NLRC5: variants seen among roughly 807,000 people sequenced by gnomAD.
The protein encoded by NLRC5 is NLR family CARD domain containing 5.
NLRC5 carries 114 observed loss-of-function variants against 206.9 expected under a neutral mutation model. The observed-to-expected ratio is 0.55, with a 90% confidence interval of 0.47 to 0.64. The LOEUF is 0.64. NLRC5 is among the 30% of genes least tolerant of loss of function. The pLI is 0.00. For synonymous variants in NLRC5, 952 were observed against 962.8 expected, an observed-to-expected ratio of 0.99 and a Z score of 0.21; for missense variants, 2,008 against 2,305.5, an observed-to-expected ratio of 0.87 and a Z score of 2.64.
chr16:57,041,411 G>C (rs1440493966), intron 17 of NLRC5, 74 bp from the exon 18 acceptor site: 46 of 1,233,432 alleles, frequency 3.7e-5, no homozygotes, highest in Non-Finnish European at 5.1e-5. Context: ...CTCTGTGTCT[G>C]GGGGGTGGGA....
chr16:57,056,613 T>C (rs138618394), intron 27 of NLRC5, among the ~76,000 whole-genome samples: 4 of 152,148 alleles, frequency 2.6e-5, no homozygotes, highest in African/African-American at 9.6e-5. Context: ...ATAAGAAATA[T>C]GTCTTTGAGT....
chr16:57,062,265 A>G, intron 32 of NLRC5: 1 of 417,472 alleles, frequency 2.4e-6, no homozygotes, highest in South Asian at 1.8e-5. Flanking sequence ...TCACAGTTCC[A>G]TCAGGACACC....
At chr16:57,037,513 C>T (rs568281244) in intron 15 of NLRC5, among the ~76,000 whole-genome samples, 7 of 152,242 alleles carry the variant, frequency 4.6e-5, no homozygotes, top group African/African-American at 1.7e-4. Context: ...CCAGAGACGC[C>T]TGGCAGGGTA....
intron 20 of NLRC5, chr16:57,043,827 C>T: frequency 3.4e-6 from 2 of 588,840 alleles, no homozygotes; most frequent in Non-Finnish European, 6.1e-6. Flanking sequence ...TCTCCAAATT[C>T]ACCATTAGAG....
intron 23 of NLRC5, among the ~76,000 whole-genome samples, chr16:57,049,596 C>G (rs1358634892): frequency 6.6e-6 from 1 of 152,044 alleles, no homozygotes; most frequent in Non-Finnish European, 1.5e-5. Context: ...ATTAGCCAGG[C>G]ATGGTGGTGC....
intron 15 of NLRC5, among the ~76,000 whole-genome samples, chr16:57,037,784 G>T (rs982912445): frequency 6.6e-6 from 1 of 152,152 alleles, no homozygotes; most frequent in Admixed American, 6.5e-5. Flanking sequence ...TCCTATTTCT[G>T]TAAGTCTCGC....
In NLRC5 at chr16:57,065,232, A is replaced by G. The variant is rs1312334726; in HGVS notation, c.4175A>G (p.Asp1392Gly). The G allele has an allele frequency of 6.4e-7, 1 of 1,564,766 alleles. No individual in the cohort carries two copies. The highest frequency in any genetic ancestry group is 8.7e-7 in the Non-Finnish European group (1 of 1,150,910). Residue 1392 changes from aspartate to glycine, a missense_variant, in exon 33 of 49, where the codon GAC becomes GGC. Coordinates refer to ENST00000688547, the MANE Select transcript of NLRC5 (RefSeq NM_001384950.1). ...FSLRVQEPWA[D>G]RARVLSLLEV... ...GACAGGGTGCAGGAGCCGTGGGCGGACAGAGCCAGGGTTCTCTCCCTGTTA... is the reference window on the plus strand; with the variant it reads ...GACAGGGTGCAGGAGCCGTGGGCGGGCAGAGCCAGGGTTCTCTCCCTGTTA...
In NLRC5 at chr16:57,065,267, G is replaced by T. The variant is rs762152034; in HGVS notation, c.4210G>T (p.Ala1404Ser). ...GGTTCTCTCCCTGTTAGAAGTCTGC[G>T]CCCAGGCCTCAGGCAGTGTCACTGA... ...ARVLSLLEVCAQASGSVTEIS... is the reference protein window; with the variant it reads ...ARVLSLLEVCSQASGSVTEIS... Residue 1404 changes from alanine (A) to serine (S), a missense_variant, in exon 33 of 49, where the codon GCC (alanine) becomes TCC (serine). Physicochemically the swap from Ala to Ser is moderately conservative, Grantham distance 99. Coordinates refer to ENST00000688547, the MANE Select transcript of NLRC5 (RefSeq NM_001384950.1). 2 of 1,583,014 alleles carry T rather than the reference G, an allele frequency of 1.3e-6. No homozygotes were observed. The highest frequency in any genetic ancestry group is 2.3e-5 in the East Asian group (1 of 42,636).
In NLRC5 at chr16:57,056,265, A is replaced by G. The variant is rs114442756; in HGVS notation, c.3746+746A>G. On this transcript the variant is annotated intron_variant, in intron 27 of 48. Coordinates refer to ENST00000688547, the MANE Select transcript of NLRC5 (RefSeq NM_001384950.1). The stretch of plus-strand genomic sequence containing the variant: ...CATTTCTGTTGTGATGTGGCAGAGA[A>G]GAAAAATGTGACTGATAAAATCATG... Among the ~76,000 whole-genome samples, 583 of 152,344 alleles carry G rather than the reference A, an allele frequency of 3.8e-3. 4 individuals are homozygous for G. Among genetic ancestry groups the G allele is most frequent in the African/African-American group, 0.014 (566 of 41,574 alleles).
chr16:57,043,278 A>C (rs1350159236), intron 19 of NLRC5, among the ~76,000 whole-genome samples: 1 of 152,148 alleles, frequency 6.6e-6, no homozygotes, highest in Non-Finnish European at 1.5e-5. Flanking sequence ...CTGGGTGCCC[A>C]TCTCAGCTCT....
chr16:56,996,241 G>A (rs183648096), intron 1 of NLRC5, among the ~76,000 whole-genome samples: 4 of 152,132 alleles, frequency 2.6e-5, no homozygotes, highest in Admixed American at 6.5e-5. Context: ...GCACAGCTCC[G>A]TGCATAGTTT....
At chr16:57,038,939 T>TA (rs574142317) in intron 15 of NLRC5, among the ~76,000 whole-genome samples, 2,265 of 108,234 alleles carry the variant, frequency 0.021, 51 homozygotes, top group African/African-American at 0.068. Flanking sequence ...TGTCTCAAAT[T>TA]AAAAAAAAAA....
chr16:57,011,752 T>C (rs1485248330), intron 1 of NLRC5, among the ~76,000 whole-genome samples: 1 of 151,548 alleles, frequency 6.6e-6, no homozygotes, highest in Non-Finnish European at 1.5e-5. Context: ...AAAATTAGAC[T>C]ACCATCATAG....
At chr16:57,072,933 G>A (rs1436362759) in intron 38 of NLRC5, among the ~76,000 whole-genome samples, 1 of 152,090 alleles carries the variant, frequency 6.6e-6, no homozygotes, top group Admixed American at 6.6e-5. Context: ...AGAGGATCAG[G>A]TAAAAGGAGA....
chr16:57,029,737 C>T (rs1376712412), intron 8 of NLRC5, 36 bp from the exon 9 acceptor site: 1 of 1,598,506 alleles, frequency 6.3e-7, no homozygotes, highest in Admixed American at 1.7e-5. Context: ...TGCCCCAACC[C>T]CAGGGCAAAG....
chr16:57,032,036 A>T, intron 11 of NLRC5, among the ~76,000 whole-genome samples: 1 of 151,980 alleles, frequency 6.6e-6, no homozygotes, highest in South Asian at 2.1e-4. Flanking sequence ...AGACTCAGAG[A>T]CAGATGTATG....
At chr16:57,011,408 G>A (rs2059480284) in intron 1 of NLRC5, among the ~76,000 whole-genome samples, 1 of 121,826 alleles carries the variant, frequency 8.2e-6, no homozygotes, top group East Asian at 3.9e-4. Flanking sequence ...GGGAGACTCC[G>A]TCTCAAAAAA....
At chr16:56,990,714 C>T (rs2056717397) in intron 1 of NLRC5, 1 of 152,204 alleles carries the variant, frequency 6.6e-6, no homozygotes, top group Non-Finnish European at 1.5e-5. Flanking sequence ...GAGAGTACCC[C>T]GGGGCCAGAT....
chr16:57,065,117 C>A (rs185059157), intron 32 of NLRC5, 95 bp from the exon 33 acceptor site: 299 of 672,694 alleles, frequency 4.4e-4, no homozygotes, highest in Middle Eastern at 3.1e-3. Flanking sequence ...GCCTCTAGGT[C>A]CCCCCCTTGA....
Sources: gnomAD v4.1 joint callset for allele counts (sites outside exome capture counted in the v4.1 genomes callset) on GRCh38, gnomAD v4.1.1 for gene constraint, MANE v1.5 for transcripts, NCBI Gene and HGNC (gene_info 2026-07-23, HGNC 2026-07-21) for gene names.